BRD10: variants seen among roughly 807,000 people sequenced by gnomAD.
BRD10 encodes the protein uncharacterized bromodomain-containing protein 10.
chr9:5,980,004 G>C, the BRD10 span, among the ~76,000 whole-genome samples: 1,160 of 99,452 alleles, frequency 0.012, 12 homozygotes, highest in African/African-American at 0.04. Flanking sequence ...AACAAAGCAA[G>C]ACTCCATCTC....
the BRD10 span, among the ~76,000 whole-genome samples, chr9:5,930,987 T>C: frequency 6.6e-6 from 1 of 152,162 alleles, no homozygotes; most frequent in Non-Finnish European, 1.5e-5. Flanking sequence ...AGAAGTCAAA[T>C]GGTCAGAGTG....
At chr9:5,889,786 GA>G in the BRD10 span, among the ~76,000 whole-genome samples, 51 of 149,790 alleles carry the variant, frequency 3.4e-4, no homozygotes, top group East Asian at 7.0e-3. Context: ...CTCCATCTCA[GA>G]AAAAAAAAAT....
At chr9:5,960,666 TG>T in the BRD10 span, among the ~76,000 whole-genome samples, 1 of 152,202 alleles carries the variant, frequency 6.6e-6, no homozygotes, top group African/African-American at 2.4e-5. Flanking sequence ...ATAAGCTTTT[TG>T]TAACTGTTAA....
At chr9:5,977,399 T>C in the BRD10 span, among the ~76,000 whole-genome samples, 32 of 152,146 alleles carry the variant, frequency 2.1e-4, no homozygotes, top group Non-Finnish European at 7.4e-5. Flanking sequence ...CCTTTACCTT[T>C]AGAAATACAA....
At chr9:5,920,624 G>C in the BRD10 span, 1 of 1,613,918 alleles carries the variant, frequency 6.2e-7, no homozygotes, top group Non-Finnish European at 8.5e-7. Flanking sequence ...TGAAATCCCT[G>C]GTGAATGGAA....
chr9:5,979,351 G>A, the BRD10 span, among the ~76,000 whole-genome samples: 18 of 152,062 alleles, frequency 1.2e-4, no homozygotes, highest in Admixed American at 1.0e-3. Context: ...TCGTCTTTAC[G>A]AAAAATGTAA....
the BRD10 span, among the ~76,000 whole-genome samples, chr9:5,926,767 G>A: frequency 1.3e-5 from 2 of 151,942 alleles, no homozygotes; most frequent in Non-Finnish European, 2.9e-5. Flanking sequence ...TCCTGACCTC[G>A]TGATCTGCCT....
the BRD10 span, among the ~76,000 whole-genome samples, chr9:5,998,969 T>C: frequency 6.6e-6 from 1 of 152,026 alleles, no homozygotes; most frequent in Non-Finnish European, 1.5e-5. Context: ...ACTAGCAACG[T>C]TGTATTTTTT....
At chr9:6,006,024 T>A in the BRD10 span, among the ~76,000 whole-genome samples, 1 of 152,196 alleles carries the variant, frequency 6.6e-6, no homozygotes, top group Non-Finnish European at 1.5e-5. Flanking sequence ...TACTTTTAAA[T>A]TACAGTGACA....
At chr9:5,888,786 T>C in the BRD10 span, among the ~76,000 whole-genome samples, 6 of 152,194 alleles carry the variant, frequency 3.9e-5, no homozygotes, top group Non-Finnish European at 8.8e-5. Flanking sequence ...TTGAAGCAAA[T>C]TGGAAATGTG....
the BRD10 span, chr9:5,969,406 T>A: frequency 6.3e-7 from 1 of 1,582,164 alleles, no homozygotes; most frequent in Admixed American, 1.9e-5. Context: ...GACTAGCTTC[T>A]TCTGCTTCTT....
the BRD10 span, among the ~76,000 whole-genome samples, chr9:5,989,771 A>G: frequency 6.6e-6 from 1 of 152,112 alleles, no homozygotes; most frequent in Non-Finnish European, 1.5e-5. Flanking sequence ...TCAAGCGATC[A>G]GCCCACCTTG....
chr9:5,933,801 TGAC>T, the BRD10 span: 4 of 471,238 alleles, frequency 8.5e-6, no homozygotes, highest in Non-Finnish European at 1.8e-5. Context: ...GGGATGGGTA[TGAC>T]AGCACCAGCA....
chr9:5,919,701 C>A, the BRD10 span: 2 of 1,609,820 alleles, frequency 1.2e-6, no homozygotes, highest in Admixed American at 1.7e-5. Context: ...GCAGCTCTGT[C>A]AGGCTTCTCT....
At chr9:5,946,754 A>G in the BRD10 span, among the ~76,000 whole-genome samples, 1 of 152,112 alleles carries the variant, frequency 6.6e-6, no homozygotes, top group Non-Finnish European at 1.5e-5. Flanking sequence ...GTCTCACTAC[A>G]CAAGGAATAG....
the BRD10 span, chr9:5,920,984 G>C: frequency 6.2e-7 from 1 of 1,613,968 alleles, no homozygotes; most frequent in East Asian, 2.2e-5. Flanking sequence ...AGCTGAAGCA[G>C]AGGCTGAGGT....
the BRD10 span, chr9:5,890,856 T>A: frequency 1.3e-5 from 2 of 151,840 alleles, no homozygotes; most frequent in African/African-American, 2.4e-5. Flanking sequence ...GGAAAAAAAA[T>A]AAGTCAAAAC....
the BRD10 span, among the ~76,000 whole-genome samples, chr9:5,927,552 T>C: frequency 0.037 from 5,686 of 152,288 alleles, 291 homozygotes; most frequent in African/African-American, 0.11. Context: ...TTCTCCTGAA[T>C]AGACTTCTAA....
At chr9:5,920,454 T>G in the BRD10 span, 4,519 of 1,614,012 alleles carry the variant, frequency 2.8e-3, 9 homozygotes, top group Non-Finnish European at 3.5e-3. Flanking sequence ...TGAATGGTAG[T>G]GCCACCTGGA....
Sources: allele counts gnomAD v4.1 joint callset (sites outside exome capture counted in the v4.1 genomes callset), GRCh38; gene constraint gnomAD v4.1.1; transcripts MANE v1.5; gene names NCBI Gene and HGNC (gene_info 2026-07-23, HGNC 2026-07-21).